The following ABLIM2 variants were observed in gnomAD, a reference collection of about 807,000 sequenced individuals.
ABLIM2 encodes actin-binding LIM protein 2.
In ABLIM2, 53 loss-of-function variants were observed where a neutral mutation model predicts 97.7. The ratio of observed to expected loss-of-function variants is 0.54; its 90% CI spans 0.44 to 0.68. The LOEUF (loss-of-function observed/expected upper bound fraction) is 0.68. Among genes scored for constraint, ABLIM2 ranks in the 30% least tolerant of loss-of-function variants. The probability of loss-of-function intolerance (pLI) is 0.00; values close to 1 mark genes in which losing one functional copy is unlikely to be tolerated. For missense variants in ABLIM2, 835 were observed against 867.2 expected (o/e 0.96, Z 0.47); for synonymous variants, 361 against 345.8 (o/e 1.04, Z -0.49).
intron 6 of ABLIM2, among the ~76,000 whole-genome samples, chr4:8,065,524 G>A (rs1468876348): frequency 1.3e-5 from 2 of 152,238 alleles, no homozygotes; most frequent in Non-Finnish European, 2.9e-5. Context: ...TGCAGCTACT[G>A]TGGAAGACAG....
At chr4:8,040,048 G>A (rs1399752776) in intron 9 of ABLIM2, among the ~76,000 whole-genome samples, 5 of 152,120 alleles carry the variant, frequency 3.3e-5, no homozygotes, top group East Asian at 1.9e-4. Context: ...AAGCCCTCAC[G>A]GTCCGTGGAG....
intron 8 of ABLIM2, among the ~76,000 whole-genome samples, chr4:8,049,661 C>G (rs1331009695): frequency 6.6e-6 from 1 of 152,230 alleles, no homozygotes; most frequent in African/African-American, 2.4e-5. Context: ...CATGACAAAA[C>G]CTTACACTCC....
chr4:8,064,840 T>C (rs1026724474), intron 6 of ABLIM2, among the ~76,000 whole-genome samples: 2 of 152,122 alleles, frequency 1.3e-5, no homozygotes, highest in Non-Finnish European at 2.9e-5. Context: ...GTCCAGTTTG[T>C]AAAAATGTAC....
In ABLIM2 at chr4:7,992,836, C is replaced by A. The variant is rs1749973626; in HGVS notation, c.1680+30G>T. The A allele has an allele frequency of 6.2e-7, 1 of 1,605,340 alleles. No individual in the cohort carries two copies. The highest frequency in any genetic ancestry group is 8.5e-7 in the Non-Finnish European group (1 of 1,174,608). On this transcript the variant is annotated intron_variant, in intron 17 of 20. Coordinates refer to ENST00000447017, the MANE Select transcript of ABLIM2 (RefSeq NM_001130083.2). The surrounding 1 kb of genome is among the most constrained non-coding windows in gnomAD (Gnocchi z 5.7). ...CTCAGCCTCACAGCAATCGTTAGTACCCTGTGGCCAGGGAGGGGTCAGTAC... is the reference window on the plus strand; with the variant it reads ...CTCAGCCTCACAGCAATCGTTAGTAACCTGTGGCCAGGGAGGGGTCAGTAC...
At chr4:8,131,159 A>G (rs1849298875) in intron 1 of ABLIM2, among the ~76,000 whole-genome samples, 1 of 152,144 alleles carries the variant, frequency 6.6e-6, no homozygotes. Flanking sequence ...CTTTTTCCAC[A>G]TAAGGCAATA....
At chr4:8,099,445 G>T (rs1047168488) in intron 2 of ABLIM2, among the ~76,000 whole-genome samples, 1 of 152,178 alleles carries the variant, frequency 6.6e-6, no homozygotes, top group Admixed American at 6.5e-5. Flanking sequence ...GTCCACTCCC[G>T]GGAGCACCAG....
At position 8,149,761 on chromosome 4, in the gene ABLIM2, A is replaced by G. The variant is rs941085897; in HGVS notation, c.10+8919T>C. Reference sequence around the variant, plus strand: ...CTTGGGAGGCTGTTGACTGCTGGACACAGAGAAGGCCCGGACCTAGGCTGA... The same window carrying G: ...CTTGGGAGGCTGTTGACTGCTGGACGCAGAGAAGGCCCGGACCTAGGCTGA... On this transcript the variant is annotated intron_variant, in intron 1 of 20. Coordinates refer to ENST00000447017, the MANE Select transcript of ABLIM2 (RefSeq NM_001130083.2). The surrounding 1 kb of genome is among the most constrained non-coding windows in gnomAD (Gnocchi z 6.4). Among the ~76,000 whole-genome samples, 1 of 152,032 alleles carries G rather than the reference A, an allele frequency of 6.6e-6. No individual in the cohort carries two copies. The highest frequency in any genetic ancestry group is 1.5e-5 in the Non-Finnish European group (1 of 67,994).
At position 8,068,361 on chromosome 4, in the gene ABLIM2, C is replaced by T. The variant is rs1046712637; in HGVS notation, c.676-7307G>A. ...AGGTGCCAGGGAAGCACACCCACAG[C>T]CTGTGGTGGCTCAGGGTGACCACAG... On this transcript the variant is annotated intron_variant, in intron 6 of 20. Transcript: ENST00000447017. This position sits in a 1 kb window ranked among gnomAD's most constrained non-coding sequence, Gnocchi z 4.5. Among the ~76,000 whole-genome samples, 2 of 152,202 alleles carry T rather than the reference C, an allele frequency of 1.3e-5. No homozygotes were observed. The highest frequency in any genetic ancestry group is 4.8e-5 in the African/African-American group (2 of 41,448).
intron 5 of ABLIM2, among the ~76,000 whole-genome samples, chr4:8,079,701 A>C (rs2152432381): frequency 6.6e-6 from 1 of 152,244 alleles, no homozygotes; most frequent in South Asian, 2.1e-4. Context: ...GGGCACATCC[A>C]CCGACGTGAT....
chr4:8,014,251 GT>G (rs1767147482), intron 14 of ABLIM2, among the ~76,000 whole-genome samples: 1 of 152,240 alleles, frequency 6.6e-6, no homozygotes, highest in East Asian at 1.9e-4. Flanking sequence ...GGTGCCCGGG[GT>G]TTCATCCCTT....
chr4:8,071,693 A>AGC lies in ABLIM2; in HGVS notation c.675+5934_675+5935insGC, dbSNP rs1812250881. ...ACACCTGACTGCTCTGTCCCCAAAA[A>AGC]CCCACCCACCCGCAGCCCCTCCTGG... is the stretch of plus-strand genomic sequence containing the variant. On this transcript the variant is annotated intron_variant, in intron 6 of 20. Coordinates refer to ENST00000447017, the MANE Select transcript of ABLIM2 (RefSeq NM_001130083.2). This position sits in a 1 kb window ranked among gnomAD's most constrained non-coding sequence, Gnocchi z 6.2. 525 of 819,696 alleles carry AGC rather than the reference A, an allele frequency of 6.4e-4. No homozygotes were observed. The highest frequency in any genetic ancestry group is 1.3e-3 in the Middle Eastern group (2 of 1,592). 50.8% of individuals were successfully genotyped at this position (819,696 alleles called of 1,614,324 possible). A position where few individuals can be genotyped will look rare whatever the true frequency, so the allele number is the denominator to read the frequency against.
intron 1 of ABLIM2, among the ~76,000 whole-genome samples, chr4:8,121,615 T>G (rs1188222944): frequency 6.6e-6 from 1 of 152,136 alleles, no homozygotes; most frequent in Non-Finnish European, 1.5e-5. Flanking sequence ...GGCTCGGGTC[T>G]GCAGGCTCCC....
chr4:8,113,054 G>A lies in ABLIM2; in HGVS notation c.11-6417C>T, dbSNP rs192740573. On this transcript the variant is annotated intron_variant, in intron 1 of 20. Transcript: ENST00000447017. The surrounding 1 kb of genome is among the most constrained non-coding windows in gnomAD (Gnocchi z 4.5). ...TTCTGTCCAGCGAACCAGCTCTCACGACCCAGACAGCAGAGTCCTCATCAT... is the reference window on the plus strand; with the variant it reads ...TTCTGTCCAGCGAACCAGCTCTCACAACCCAGACAGCAGAGTCCTCATCAT... Among the ~76,000 whole-genome samples, 17 of 152,300 alleles carry A rather than the reference G, an allele frequency of 1.1e-4. No individual in the cohort carries two copies. Among genetic ancestry groups the A allele is most frequent in the African/African-American group, 3.6e-4 (15 of 41,570 alleles).
chr4:8,036,094 G>T (rs1447847244), intron 10 of ABLIM2, 55 bp downstream of exon 10: 4 of 1,595,780 alleles, frequency 2.5e-6, no homozygotes, highest in Admixed American at 3.4e-5. Flanking sequence ...CGCCTGTCCT[G>T]CAGGGCAGCA....
intron 1 of ABLIM2, among the ~76,000 whole-genome samples, chr4:8,133,582 C>G (rs958741187): frequency 2.0e-5 from 3 of 152,204 alleles, no homozygotes; most frequent in African/African-American, 7.2e-5. Context: ...AGAGCAAACC[C>G]CTGGTTTCGG....
intron 16 of ABLIM2, among the ~76,000 whole-genome samples, chr4:8,006,241 G>A (rs1761208018): frequency 6.6e-6 from 1 of 152,204 alleles, no homozygotes; most frequent in South Asian, 2.1e-4. Context: ...GTCACAGGGG[G>A]CAGCCCGTCT....
chr4:8,142,025 C>T (rs538404282), intron 1 of ABLIM2, among the ~76,000 whole-genome samples: 13 of 152,220 alleles, frequency 8.5e-5, no homozygotes, highest in African/African-American at 2.2e-4. Context: ...GCCAGCGGGG[C>T]GCCGTGACCA....
At chr4:8,029,363 A>G (rs1779369862) in intron 11 of ABLIM2, among the ~76,000 whole-genome samples, 1 of 152,152 alleles carries the variant, frequency 6.6e-6, no homozygotes. Context: ...GCTGGAATCT[A>G]AGCGCTCAGC....
rs543465244 is a variant in ABLIM2, at chr4:8,075,781, C to T, written c.675+1847G>A. Among the ~76,000 whole-genome samples, 2 of 152,240 alleles carry T rather than the reference C, an allele frequency of 1.3e-5. No individual in the cohort carries two copies. Among genetic ancestry groups the T allele is most frequent in the South Asian group, 2.1e-4 (1 of 4,822 alleles). ...TCAATGAAGCTATTTAAAAAGACCC[C>T]ACAATACCAAAAGAAGAAATGCTTA... On this transcript the variant is annotated intron_variant, in intron 6 of 20. Coordinates refer to ENST00000447017, the MANE Select transcript of ABLIM2 (RefSeq NM_001130083.2). This position sits in a 1 kb window ranked among gnomAD's most constrained non-coding sequence, Gnocchi z 4.4.
Sources: gnomAD v4.1 joint callset for allele counts (sites outside exome capture counted in the v4.1 genomes callset) on GRCh38, gnomAD v4.1.1 for gene constraint, Gnocchi (gnomAD v3.1) non-coding constraint, MANE v1.5 for transcripts, NCBI Gene and HGNC (gene_info 2026-07-23, HGNC 2026-07-21) for gene names.